The following CD27 variants were observed in gnomAD, a reference collection of about 807,000 sequenced individuals.
CD27 encodes CD27 molecule.
Under a neutral mutation model 25.9 loss-of-function variants are expected in CD27, and 16 were observed. The observed-to-expected ratio is 0.62, with a 90% CI of 0.42 to 0.94. The LOEUF (loss-of-function observed/expected upper bound fraction) is 0.94. Ranked by LOEUF, CD27 falls within the 40% of genes least tolerant of loss-of-function variation. CD27 has a pLI of 0.00. For missense variants in CD27, 300 were observed against 333.2 expected, an observed-to-expected ratio of 0.90 and a Z score of 0.78; for synonymous variants, 142 against 124.3, an observed-to-expected ratio of 1.14 and a Z score of -0.95.
In CD27 at chr12:6,451,255, T is replaced by C; in HGVS notation, c.659-13T>C. ...CCACTGCTGGCCAAGACTCATCGGA[T>C]CTCCTTCTGCAGACAAAGGAGAAAG... On this transcript the variant is annotated splice_polypyrimidine_tract_variant and intron_variant, in intron 5 of 5. Transcript: ENST00000266557. 1 of 1,613,256 alleles carries C rather than the reference T, an allele frequency of 6.2e-7. No individual in the cohort carries two copies. Among genetic ancestry groups the C allele is most frequent in the South Asian group, 1.1e-5 (1 of 91,038 alleles).
At position 6,451,534 on chromosome 12, in the gene CD27, G is replaced by C. The variant is rs1565512197; in HGVS notation, c.*142G>C. ...CTTTCCTGTGTACACGTGACAGAGT[G>C]CCTTTTCGAGACTGGCAGGGACGAG... On this transcript the variant is annotated 3_prime_UTR_variant, in exon 6 of 6. Transcript: ENST00000266557. The C allele has an allele frequency of 1.2e-6, 1 of 853,816 alleles. No homozygotes were observed. Among genetic ancestry groups the C allele is most frequent in the East Asian group, 2.7e-5 (1 of 37,050 alleles). 52.9% of individuals were successfully genotyped at this position (853,816 alleles called of 1,614,324 possible).
chr12:6,447,672 T>C (rs540763192), intron 2 of CD27: 3 of 152,226 alleles, frequency 2.0e-5, no homozygotes, highest in Admixed American at 1.3e-4. Context: ...CTAGGGTACA[T>C]GTACACAATG....
intron 2 of CD27, chr12:6,447,579 G>A (rs1949435224): frequency 6.6e-6 from 1 of 152,242 alleles, no homozygotes; most frequent in South Asian, 2.1e-4. Flanking sequence ...GAACTCCCAG[G>A]TCTCCGGATA....
chr12:6,447,602 A>G (rs1338013376), intron 2 of CD27: 1 of 152,108 alleles, frequency 6.6e-6, no homozygotes, highest in Non-Finnish European at 1.5e-5. Context: ...CACCACTAAA[A>G]CAATAGCACC....
intron 2 of CD27, among the ~76,000 whole-genome samples, chr12:6,449,453 A>G (rs1949479457): frequency 6.7e-6 from 1 of 150,068 alleles, no homozygotes; most frequent in Non-Finnish European, 1.5e-5. Flanking sequence ...ATATTTGTTG[A>G]TCTGCTGCTG....
Position 6,450,195 on chromosome 12 carries a change from C to G in CD27, c.291C>G (p.Thr97=), listed in dbSNP as rs1335599985. 3.1e-6 allele frequency: 5 copies of G among 1,612,996 alleles called. No homozygotes were observed. The South Asian group carries it at 4.4e-5, about 14-fold the overall frequency. ...CAGGTCTTCTCGTTCGCAACTGCACCATCACTGCCAATGCTGAGTGTGCCT... is the reference window on the plus strand; with the variant it reads ...CAGGTCTTCTCGTTCGCAACTGCACGATCACTGCCAATGCTGAGTGTGCCT... The part of the protein sequence containing the change: ...CNSGLLVRNC[T]ITANAECACR... Residue 97 remains threonine (T), a synonymous_variant, in exon 3 of 6, where the codon ACC becomes ACG. Transcript: ENST00000266557. The surrounding 1 kb of genome is among the most constrained non-coding windows in gnomAD (Gnocchi z 4.1).
At chr12:6,446,548 G>T (rs1949419065) in intron 2 of CD27, among the ~76,000 whole-genome samples, 1 of 152,182 alleles carries the variant, frequency 6.6e-6, no homozygotes, top group Admixed American at 6.5e-5. Flanking sequence ...CAAGGCAGAA[G>T]GGTATTTGCA....
Position 6,450,751 on chromosome 12 carries a change from GT to G in CD27, c.538+124del. The G allele has an allele frequency of 7.0e-7, 1 of 1,420,772 alleles. No individual in the cohort carries two copies. Among genetic ancestry groups the G allele is most frequent in the Non-Finnish European group, 9.8e-7 (1 of 1,021,788 alleles). The allele number at this position is 1,420,772 out of a possible 1,614,324, so 88.0% of individuals were successfully genotyped here. A position where few individuals can be genotyped will look rare whatever the true frequency, so the allele number is the denominator to read the frequency against. ...AGGAGGGGAAAAAGCAGAGTCCACT[GT>G]TTAGGAGAGGAGTTGGCCAACGGTG... On this transcript the variant is annotated intron_variant, in intron 4 of 5. Coordinates refer to ENST00000266557, the MANE Select transcript of CD27 (RefSeq NM_001242.5). This position sits in a 1 kb window ranked among gnomAD's most constrained non-coding sequence, Gnocchi z 4.1.
At chr12:6,448,380 A>T (rs1159488254) in intron 2 of CD27, among the ~76,000 whole-genome samples, 1 of 152,048 alleles carries the variant, frequency 6.6e-6, no homozygotes, top group African/African-American at 2.4e-5. Flanking sequence ...ACCAGCCGCC[A>T]GCGAGCCCAG....
At position 6,445,179 on chromosome 12, in the gene CD27, A is replaced by C. The variant is rs762885174; in HGVS notation, c.84A>C (p.Pro28=). ...CTACTCCAGCCCCCAAGAGCTGCCCAGAGAGGCACTACTGGGCTCAGGGAA... is the reference window on the plus strand; with the variant it reads ...CTACTCCAGCCCCCAAGAGCTGCCCCGAGAGGCACTACTGGGCTCAGGGAA... The part of the protein sequence containing the change: ...LSATPAPKSC[P]ERHYWAQGKL... Residue 28 remains proline, a synonymous_variant, in exon 1 of 6, where the codon CCA becomes CCC. Transcript: ENST00000266557. This position sits in a 1 kb window ranked among gnomAD's most constrained non-coding sequence, Gnocchi z 4.5. 6.2e-7 allele frequency: 1 copy of C among 1,612,938 alleles called. No individual in the cohort carries two copies. Among genetic ancestry groups the C allele is most frequent in the East Asian group, 2.2e-5 (1 of 44,870 alleles).
At chr12:6,447,741 A>G (rs1034649190) in intron 2 of CD27, 1 of 152,042 alleles carries the variant, frequency 6.6e-6, no homozygotes, top group Non-Finnish European at 1.5e-5. Context: ...CCATTAACTC[A>G]TCATTTACAT....
At position 6,450,869 on chromosome 12, in the gene CD27, C is replaced by T; in HGVS notation, c.539-26C>T. On this transcript the variant is annotated intron_variant, in intron 4 of 5. Coordinates refer to ENST00000266557, the MANE Select transcript of CD27 (RefSeq NM_001242.5). This position sits in a 1 kb window ranked among gnomAD's most constrained non-coding sequence, Gnocchi z 4.1. ...AGCCAAGGGCTAGACCCTCCCCTAA[C>T]CCCTGTGTGTCCCCTCCTATTACAG... 6.2e-7 allele frequency: 1 copy of T among 1,613,968 alleles called. No individual in the cohort carries two copies. Among genetic ancestry groups the T allele is most frequent in the Non-Finnish European group, 8.5e-7 (1 of 1,179,914 alleles).
intron 2 of CD27, among the ~76,000 whole-genome samples, chr12:6,446,610 T>C (rs750917903): frequency 6.6e-6 from 1 of 151,668 alleles, no homozygotes; most frequent in Admixed American, 6.6e-5. Context: ...GGCAACATAG[T>C]GAGACCTTGT....
upstream of CD27, chr12:6,444,887 G>A: frequency 3.7e-6 from 2 of 547,698 alleles, no homozygotes; most frequent in Non-Finnish European, 6.4e-6. Flanking sequence ...CCAGCACACG[G>A]AAGGGGAAGG....
At chr12:6,447,913 C>T (rs1385658349) in intron 2 of CD27, 1 of 152,252 alleles carries the variant, frequency 6.6e-6, no homozygotes, top group Non-Finnish European at 1.5e-5. Context: ...TTCTTTAACC[C>T]CTCCATTTCC....
Position 6,451,511 on chromosome 12 carries a change from T to G in CD27, c.*119T>G. On this transcript the variant is annotated 3_prime_UTR_variant, in exon 6 of 6. Transcript: ENST00000266557. ...AGTCCCATCCTCTTGTCAGGGCCCT[T>G]TCCTGTGTACACGTGACAGAGTGCC... The G allele has an allele frequency of 3.5e-5, 36 of 1,030,774 alleles. No homozygotes were observed. Among genetic ancestry groups the G allele is most frequent in the Middle Eastern group, 3.3e-4 (1 of 3,042 alleles). The allele number at this position is 1,030,774 out of a possible 1,614,324, so 63.9% of individuals were successfully genotyped here.
chr12:6,450,416 C>T lies in CD27; in HGVS notation c.448+64C>T. 1 of 1,539,472 alleles carries T rather than the reference C, an allele frequency of 6.5e-7. No individual in the cohort carries two copies. The highest frequency in any genetic ancestry group is 8.9e-7 in the Non-Finnish European group (1 of 1,124,548). ...AGCGGTGATACCCCAACCAGTACTC[C>T]CCACTCCTACCCCTAGATAAGGTCA... On this transcript the variant is annotated intron_variant, in intron 3 of 5. Coordinates refer to ENST00000266557, the MANE Select transcript of CD27 (RefSeq NM_001242.5). The surrounding 1 kb of genome is among the most constrained non-coding windows in gnomAD (Gnocchi z 4.1).
At chr12:6,447,694 T>C (rs1949438007) in intron 2 of CD27, 1 of 152,188 alleles carries the variant, frequency 6.6e-6, no homozygotes, top group Non-Finnish European at 1.5e-5. Context: ...GCAGGTTTGT[T>C]ACATAGGTAT....
Position 6,445,318 on chromosome 12 carries a change from G to A in CD27, c.136+87G>A. On this transcript the variant is annotated intron_variant, in intron 1 of 5. Transcript: ENST00000266557. The surrounding 1 kb of genome is among the most constrained non-coding windows in gnomAD (Gnocchi z 4.5). ...CAGTAAATAGGCGCAGGGTGAGACT[G>A]AGCTCAAGCAAGGAGGGAAATCCTG... 6.2e-7 allele frequency: 1 copy of A among 1,608,736 alleles called. No homozygotes were observed. The highest frequency in any genetic ancestry group is 8.5e-7 in the Non-Finnish European group (1 of 1,176,654).
Sources: allele counts gnomAD v4.1 joint callset (sites outside exome capture counted in the v4.1 genomes callset), GRCh38; gene constraint gnomAD v4.1.1; non-coding constraint Gnocchi (gnomAD v3.1); transcripts MANE v1.5; gene names NCBI Gene and HGNC (gene_info 2026-07-23, HGNC 2026-07-21).